The following TTLL5 variants were observed in gnomAD, a reference collection of about 807,000 sequenced individuals.
TTLL5 encodes tubulin tyrosine ligase like 5.
TTLL5 carries 132 observed loss-of-function variants against 168.4 expected under a neutral mutation model. That is an observed-to-expected ratio of 0.78 (90% CI 0.68 to 0.91). TTLL5 has a LOEUF of 0.91. TTLL5 is among the 40% of genes least tolerant of loss of function. The pLI, the probability that TTLL5 is intolerant of heterozygous loss-of-function variation, is 0.00. For synonymous variants in TTLL5, 546 were observed against 558.6 expected, an observed-to-expected ratio of 0.98 and a Z score of 0.32; for missense variants, 1,545 against 1,581.5, an observed-to-expected ratio of 0.98 and a Z score of 0.39.
chr14:75,714,808 T>G (rs971409278), intron 9 of TTLL5, among the ~76,000 whole-genome samples: 7 of 152,214 alleles, frequency 4.6e-5, no homozygotes, highest in Non-Finnish European at 8.8e-5. Context: ...GAGTATAATA[T>G]TTAGAAATCA....
At chr14:75,675,198 G>A (rs1028785333) in intron 3 of TTLL5, among the ~76,000 whole-genome samples, 5 of 152,144 alleles carry the variant, frequency 3.3e-5, no homozygotes, top group Non-Finnish European at 1.5e-5. Context: ...ACATTCGACA[G>A]CACAAATATC....
chr14:75,776,759 A>G lies in TTLL5; in HGVS notation c.2296A>G (p.Met766Val). 3 of 1,613,818 alleles carry G rather than the reference A, an allele frequency of 1.9e-6. No homozygotes were observed. The highest frequency in any genetic ancestry group is 2.5e-6 in the Non-Finnish European group (3 of 1,179,816). Reference protein sequence around the residue: ...IIVYNKETEQMAEKKSKKKVE... With the variant: ...IIVYNKETEQVAEKKSKKKVE... ...GGGCACTGGGTAGGAAACAGAACAA[A>G]TGGCTGAAAAGAAATCAAAGAAGAA... Residue 766 changes from methionine (M) to valine (V), a missense_variant, in exon 23 of 32, where the codon ATG (methionine) becomes GTG (valine). Coordinates refer to ENST00000298832, the MANE Select transcript of TTLL5 (RefSeq NM_015072.5).
chr14:75,736,077 A>G (rs1483414429), intron 15 of TTLL5, among the ~76,000 whole-genome samples: 1 of 152,086 alleles, frequency 6.6e-6, no homozygotes, highest in Non-Finnish European at 1.5e-5. Flanking sequence ...TTTTCATTTT[A>G]ACATTTATTT....
intron 28 of TTLL5, among the ~76,000 whole-genome samples, chr14:75,840,794 T>G (rs1431350662): frequency 1.3e-5 from 2 of 152,224 alleles, no homozygotes; most frequent in Non-Finnish European, 2.9e-5. Context: ...GTAACTGCTT[T>G]TTCTGTTATT....
intron 30 of TTLL5, among the ~76,000 whole-genome samples, chr14:75,892,663 G>T (rs2032459700): frequency 6.6e-6 from 1 of 152,156 alleles, no homozygotes; most frequent in East Asian, 1.9e-4. Context: ...GTCAGTAGTG[G>T]CAAGGTTGAA....
At chr14:75,792,872 C>G in intron 26 of TTLL5, 44 bp from the exon 27 acceptor site, 1 of 1,492,010 alleles carries the variant, frequency 6.7e-7, no homozygotes, top group East Asian at 2.3e-5. Flanking sequence ...TTTTTTCAGG[C>G]CTTTTTTTCC....
chr14:75,878,105 G>A (rs2031595430), intron 29 of TTLL5, among the ~76,000 whole-genome samples: 1 of 152,158 alleles, frequency 6.6e-6, no homozygotes, highest in African/African-American at 2.4e-5. Flanking sequence ...CAACCTAGAG[G>A]CCTTTTACTG....
At chr14:75,718,068 G>T in intron 10 of TTLL5, 106 bp downstream of exon 10, 1 of 893,550 alleles carries the variant, frequency 1.1e-6, no homozygotes, top group Non-Finnish European at 1.8e-6. Flanking sequence ...TTACATTAAT[G>T]TCCATGTACC....
chr14:75,854,145 A>G (rs1897017688), intron 28 of TTLL5, among the ~76,000 whole-genome samples: 1 of 152,198 alleles, frequency 6.6e-6, no homozygotes, highest in South Asian at 2.1e-4. Flanking sequence ...CACAACATAC[A>G]GAACATTTCC....
chr14:75,816,670 T>G (rs1481849407), intron 27 of TTLL5, among the ~76,000 whole-genome samples: 4 of 152,360 alleles, frequency 2.6e-5, no homozygotes, highest in African/African-American at 9.6e-5. Context: ...TATTAAGTTC[T>G]TGGCACAACT....
chr14:75,846,681 A>G (rs1896561772), intron 28 of TTLL5, among the ~76,000 whole-genome samples: 1 of 151,862 alleles, frequency 6.6e-6, no homozygotes, highest in African/African-American at 2.4e-5. Flanking sequence ...TCCCAGCTAC[A>G]AGGGAGGCTG....
chr14:75,904,677 G>T (rs2033072085), intron 31 of TTLL5, among the ~76,000 whole-genome samples: 1 of 152,116 alleles, frequency 6.6e-6, no homozygotes, highest in African/African-American at 2.4e-5. Context: ...GCTTCTCATA[G>T]TGACCTTTCC....
chr14:75,931,605 G>A (rs2034279118), intron 31 of TTLL5, among the ~76,000 whole-genome samples: 1 of 152,072 alleles, frequency 6.6e-6, no homozygotes, highest in African/African-American at 2.4e-5. Flanking sequence ...AAACAATTAT[G>A]ACTATGATGC....
intron 27 of TTLL5, among the ~76,000 whole-genome samples, chr14:75,798,625 C>T (rs759797714): frequency 6.6e-5 from 10 of 152,040 alleles, no homozygotes; most frequent in East Asian, 1.9e-4. Context: ...GTCTTAGCAC[C>T]GCTTTTGCTG....
chr14:75,892,152 T>C (rs2032432124), intron 30 of TTLL5, among the ~76,000 whole-genome samples: 1 of 152,002 alleles, frequency 6.6e-6, no homozygotes, highest in African/African-American at 2.4e-5. Flanking sequence ...AAAGAAAAAA[T>C]TAGATTTGGA....
intron 28 of TTLL5, among the ~76,000 whole-genome samples, chr14:75,850,377 G>A (rs1305439752): frequency 7.6e-6 from 1 of 131,214 alleles, no homozygotes; most frequent in East Asian, 2.2e-4. Context: ...TTGCACTCCA[G>A]CCTGGGCAGC....
intron 28 of TTLL5, among the ~76,000 whole-genome samples, chr14:75,845,518 A>C (rs914746522): frequency 1.2e-4 from 18 of 152,150 alleles, no homozygotes; most frequent in African/African-American, 4.3e-4. Context: ...TTTCTCCCTT[A>C]TTTTGAAATA....
intron 9 of TTLL5, chr14:75,709,995 T>A (rs1484058358): frequency 6.6e-6 from 1 of 152,054 alleles, no homozygotes; most frequent in Non-Finnish European, 1.5e-5. Context: ...TTTTGTGTTA[T>A]GAGTTTCATC....
intron 30 of TTLL5, among the ~76,000 whole-genome samples, chr14:75,891,205 T>C (rs986965172): frequency 2.6e-5 from 4 of 152,228 alleles, no homozygotes; most frequent in Non-Finnish European, 4.4e-5. Context: ...TACATATCCA[T>C]GTCATCTCTG....
Sources: gnomAD v4.1 joint callset for allele counts (sites outside exome capture counted in the v4.1 genomes callset) on GRCh38, gnomAD v4.1.1 for gene constraint, MANE v1.5 for transcripts, NCBI Gene and HGNC (gene_info 2026-07-23, HGNC 2026-07-21) for gene names.